The following SLC45A1 variants were observed in gnomAD, a reference collection of about 807,000 sequenced individuals.
SLC45A1 encodes proton-associated sugar transporter A.
A neutral mutation model predicts 57.6 loss-of-function variants in SLC45A1; 28 were observed. The ratio of observed to expected loss-of-function variants is 0.49; its 90% CI spans 0.36 to 0.67. SLC45A1 has a LOEUF of 0.67. Among genes scored for constraint, SLC45A1 ranks in the 30% least tolerant of loss-of-function variants. The pLI is 0.00. For missense variants in SLC45A1, 814 were observed against 1,041.5 expected (o/e 0.78, Z 3.01); for synonymous variants, 459 against 471.5 (o/e 0.97, Z 0.34).
chr1:8,325,679 C>T lies in SLC45A1; in HGVS notation c.491-139C>T, dbSNP rs1352344596. On this transcript the variant is annotated intron_variant, in intron 3 of 8. Transcript: ENST00000471889. The surrounding 1 kb of genome is among the most constrained non-coding windows in gnomAD (Gnocchi z 6.3). ...GCAAAATATATGGTGAGTTTGCAGG[C>T]GGCTTTTCCACCGGGCTGTGCTTGA... The T allele has an allele frequency of 8.0e-6, 6 of 746,858 alleles. No homozygotes were observed. The highest frequency in any genetic ancestry group is 3.0e-4 in the Middle Eastern group (1 of 3,368). 46.3% of individuals were successfully genotyped at this position (746,858 alleles called of 1,614,324 possible). A position where few individuals can be genotyped will look rare whatever the true frequency, so the allele number is the denominator to read the frequency against.
chr1:8,325,305 A>G lies in SLC45A1; in HGVS notation c.405A>G (p.Leu135=). The part of the protein sequence containing the change: ...VWFISPILGF[L]LQPLLGAWSD... ...TGGCCTGCTCTGTTTCAGGATTCCT[A>G]CTGCAGCCTCTGTTGGGTGCTTGGA... Residue 135 remains leucine, a synonymous_variant, in exon 3 of 9, where the codon CTA becomes CTG. Coordinates refer to ENST00000471889, the MANE Select transcript of SLC45A1 (RefSeq NM_001080397.3). This position sits in a 1 kb window ranked among gnomAD's most constrained non-coding sequence, Gnocchi z 6.3. The G allele has an allele frequency of 1.2e-6, 2 of 1,612,906 alleles. No individual in the cohort carries two copies. The highest frequency in any genetic ancestry group is 2.2e-5 in the East Asian group (1 of 44,872).
Position 8,344,020 on chromosome 1 carries a change from G to A in SLC45A1, c.*7G>A, listed in dbSNP as rs367972332. On this transcript the variant is annotated 3_prime_UTR_variant, in exon 9 of 9. Coordinates refer to ENST00000471889, the MANE Select transcript of SLC45A1 (RefSeq NM_001080397.3). ...CCTCCTGCTGAACGTCTGACATCGC[G>A]GAGCCTCGACTCCGGACACGCGCCT... 4.2e-5 allele frequency: 68 copies of A among 1,601,412 alleles called. No homozygotes were observed. The highest frequency in any genetic ancestry group is 9.4e-5 in the African/African-American group (7 of 74,668).
Position 8,325,759 on chromosome 1 carries a change from C to A in SLC45A1, c.491-59C>A. Reference sequence around the variant, plus strand: ...AAAGATTCTAGACATAAGTCGTGAGCTGCCGGGGACAGAGCTGGTCTGCAT... The same window carrying A: ...AAAGATTCTAGACATAAGTCGTGAGATGCCGGGGACAGAGCTGGTCTGCAT... On this transcript the variant is annotated intron_variant, in intron 3 of 8. Transcript: ENST00000471889. The surrounding 1 kb of genome is among the most constrained non-coding windows in gnomAD (Gnocchi z 6.3). The A allele has an allele frequency of 6.8e-7, 1 of 1,479,898 alleles. No individual in the cohort carries two copies. The highest frequency in any genetic ancestry group is 9.3e-7 in the Non-Finnish European group (1 of 1,073,084). 91.7% of individuals were successfully genotyped at this position (1,479,898 alleles called of 1,614,324 possible). A position where few individuals can be genotyped will look rare whatever the true frequency, so the allele number is the denominator to read the frequency against.
chr1:8,324,528 C>T lies in SLC45A1; in HGVS notation c.199C>T (p.Pro67Ser), dbSNP rs1355482715. Residue 67 changes from proline to serine, a missense_variant, in exon 2 of 9, where the codon CCG becomes TCG. Pro to Ser is a moderately conservative substitution (Grantham distance 74, BLOSUM62 -1). Transcript: ENST00000471889. Reference sequence around the variant, plus strand: ...CTCCCCACCCCCGCCCCCCAACACCCCGTGCCCGCTTGAGCTGGTGGACTT... The same window carrying T: ...CTCCCCACCCCCGCCCCCCAACACCTCGTGCCCGCTTGAGCTGGTGGACTT... Reference protein sequence around the residue: ...RPSPPPPPNTPCPLELVDFGD... With the variant: ...RPSPPPPPNTSCPLELVDFGD... The T allele has an allele frequency of 6.2e-7, 1 of 1,611,760 alleles. No individual in the cohort carries two copies. Among genetic ancestry groups the T allele is most frequent in the Admixed American group, 1.7e-5 (1 of 59,920 alleles).
chr1:8,327,597 A>G lies in SLC45A1; in HGVS notation c.715+1555A>G, dbSNP rs1640241071. On this transcript the variant is annotated intron_variant, in intron 4 of 8. Transcript: ENST00000471889. The surrounding 1 kb of genome is among the most constrained non-coding windows in gnomAD (Gnocchi z 4.3). Reference sequence around the variant, plus strand: ...TAAGCCAGGAGGATTGCTTGAGTTCAGGAGTTTGAAACCAGCTTGGGTGAA... The same window carrying G: ...TAAGCCAGGAGGATTGCTTGAGTTCGGGAGTTTGAAACCAGCTTGGGTGAA... 6.6e-6 allele frequency among the ~76,000 whole-genome samples: 1 copy of G among 152,218 alleles called. No homozygotes were observed. Among genetic ancestry groups the G allele is most frequent in the African/African-American group, 2.4e-5 (1 of 41,456 alleles).
rs191124123 is a variant in SLC45A1, at chr1:8,341,263, G to A, written c.1980+1565G>A. Among the ~76,000 whole-genome samples, 349 of 151,712 alleles carry A rather than the reference G, an allele frequency of 2.3e-3. 4 individuals are homozygous for A. The highest frequency in any genetic ancestry group is 8.0e-3 in the African/African-American group (329 of 41,378). ...GAAATTTCACTTCACAGCCGGGTGC[G>A]GTGGCTCACGCCTGTAATCTCAGCA... On this transcript the variant is annotated intron_variant, in intron 8 of 8. Transcript: ENST00000471889.
intron 1 of SLC45A1, among the ~76,000 whole-genome samples, chr1:8,323,568 T>C (rs926171173): frequency 3.3e-5 from 5 of 151,736 alleles, no homozygotes; most frequent in Non-Finnish European, 7.4e-5. Context: ...GTTCTGTCCC[T>C]CTGCATTCGC....
intron 8 of SLC45A1, among the ~76,000 whole-genome samples, chr1:8,342,019 A>ATGG (rs1640836631): frequency 6.6e-6 from 1 of 152,144 alleles, no homozygotes; most frequent in Non-Finnish European, 1.5e-5. Context: ...CATCCTGGCT[A>ATGG]ACACAGTGAA....
chr1:8,328,666 C>G lies in SLC45A1; in HGVS notation c.716-1543C>G, dbSNP rs558073620. The stretch of plus-strand genomic sequence containing the variant: ...CCAGCTTGGCCAACATGGTGAAACC[C>G]CATCTCTACTAAACATACAAAAATT... On this transcript the variant is annotated intron_variant, in intron 4 of 8. Transcript: ENST00000471889. This position sits in a 1 kb window ranked among gnomAD's most constrained non-coding sequence, Gnocchi z 4.6. Among the ~76,000 whole-genome samples, 10 of 151,668 alleles carry G rather than the reference C, an allele frequency of 6.6e-5. No homozygotes were observed. The East Asian group carries it at 1.7e-3, about 26-fold the overall frequency.
intron 5 of SLC45A1, among the ~76,000 whole-genome samples, chr1:8,333,101 G>A (rs1640468790): frequency 6.6e-6 from 1 of 152,072 alleles, no homozygotes; most frequent in Non-Finnish European, 1.5e-5. Context: ...CCATCCCACT[G>A]GGTTTAAATG....
chr1:8,323,987 G>A (rs989474987), intron 1 of SLC45A1, among the ~76,000 whole-genome samples: 6 of 152,290 alleles, frequency 3.9e-5, no homozygotes, highest in East Asian at 3.9e-4. Context: ...CTTGGAGGCC[G>A]GAGAGGAGCT....
rs1490390707 is a variant in SLC45A1, at chr1:8,339,668, G to A, written c.1950G>A (p.Ser650=). ...CCACCCTGTGCACCTTGCCTTACTC[G>A]CTGCTCTGCGATTACTATCAGAGTA... is the stretch of plus-strand genomic sequence containing the variant. The part of the protein sequence containing the change: ...LFSTLCTLPY[S]LLCDYYQSKK... The change falls in exon 8 of 9, where the codon TCG becomes TCA. Residue 650 remains serine (S), a synonymous_variant. Coordinates refer to ENST00000471889, the MANE Select transcript of SLC45A1 (RefSeq NM_001080397.3). 3.1e-6 allele frequency: 5 copies of A among 1,614,042 alleles called. No individual in the cohort carries two copies. The highest frequency in any genetic ancestry group is 1.3e-5 in the African/African-American group (1 of 74,906).
intron 6 of SLC45A1, 101 bp from the exon 7 acceptor site, chr1:8,337,715 G>C (rs1640664609): frequency 1.7e-6 from 2 of 1,163,938 alleles, no homozygotes; most frequent in South Asian, 3.0e-5. Context: ...ACCACGCCCA[G>C]CTGCTCATTA....
intron 5 of SLC45A1, among the ~76,000 whole-genome samples, chr1:8,333,330 T>A (rs191670643): frequency 1.9e-4 from 29 of 152,200 alleles, no homozygotes; most frequent in Non-Finnish European, 3.8e-4. Flanking sequence ...AGAGACAGGC[T>A]TTTACCATGC....
chr1:8,321,151 A>C (rs1011594129), intron 1 of SLC45A1, among the ~76,000 whole-genome samples: 27 of 152,218 alleles, frequency 1.8e-4, no homozygotes, highest in Non-Finnish European at 3.8e-4. Context: ...ACCATGCAGA[A>C]GTGCTTGAGC....
intron 1 of SLC45A1, 22 bp downstream of exon 1, chr1:8,318,208 C>T (rs970275920): frequency 3.2e-4 from 134 of 423,082 alleles, no homozygotes; most frequent in Non-Finnish European, 5.1e-4. Flanking sequence ...TCCTCCGCGC[C>T]CTCCGCCCGC....
Position 8,327,616 on chromosome 1 carries a change from G to A in SLC45A1, c.715+1574G>A, listed in dbSNP as rs1640241678. Among the ~76,000 whole-genome samples the A allele has an allele frequency of 6.6e-6, 1 of 152,154 alleles. No individual in the cohort carries two copies. Among genetic ancestry groups the A allele is most frequent in the Admixed American group, 6.6e-5 (1 of 15,260 alleles). ...GAGTTCAGGAGTTTGAAACCAGCTT[G>A]GGTGAACAGTGAGACCCCATCTCTA... is the stretch of plus-strand genomic sequence containing the variant. On this transcript the variant is annotated intron_variant, in intron 4 of 8. Coordinates refer to ENST00000471889, the MANE Select transcript of SLC45A1 (RefSeq NM_001080397.3). The surrounding 1 kb of genome is among the most constrained non-coding windows in gnomAD (Gnocchi z 4.3).
chr1:8,339,671 G>A lies in SLC45A1; in HGVS notation c.1953G>A (p.Leu651=). The A allele has an allele frequency of 1.2e-6, 2 of 1,614,232 alleles. No individual in the cohort carries two copies. The highest frequency in any genetic ancestry group is 1.7e-6 in the Non-Finnish European group (2 of 1,180,030). Reference sequence around the variant, plus strand: ...CCCTGTGCACCTTGCCTTACTCGCTGCTCTGCGATTACTATCAGAGTAAGA... The same window carrying A: ...CCCTGTGCACCTTGCCTTACTCGCTACTCTGCGATTACTATCAGAGTAAGA... ...FSTLCTLPYS[L]LCDYYQSKKF... The change falls in exon 8 of 9, where the codon CTG becomes CTA. Residue 651 remains leucine (L), a synonymous_variant. Transcript: ENST00000471889.
Position 8,326,128 on chromosome 1 carries a change from G to T in SLC45A1, c.715+86G>T. On this transcript the variant is annotated intron_variant, in intron 4 of 8. Coordinates refer to ENST00000471889, the MANE Select transcript of SLC45A1 (RefSeq NM_001080397.3). This position sits in a 1 kb window ranked among gnomAD's most constrained non-coding sequence, Gnocchi z 5.5. ...CTTTCGAGGCCCTTCCTCACTCCCT[G>T]ATTTAACAAAGAAGCTGGGAGAATT... 2.0e-6 allele frequency: 2 copies of T among 1,010,920 alleles called. No homozygotes were observed. Among genetic ancestry groups the T allele is most frequent in the South Asian group, 2.9e-5 (2 of 69,118 alleles). 62.6% of individuals were successfully genotyped at this position (1,010,920 alleles called of 1,614,324 possible). A position where few individuals can be genotyped will look rare whatever the true frequency, so the allele number is the denominator to read the frequency against.
Sources: allele counts gnomAD v4.1 joint callset (sites outside exome capture counted in the v4.1 genomes callset), GRCh38; gene constraint gnomAD v4.1.1; non-coding constraint Gnocchi (gnomAD v3.1); transcripts MANE v1.5; gene names NCBI Gene and HGNC (gene_info 2026-07-23, HGNC 2026-07-21).